RMP24: variants seen among roughly 807,000 people sequenced by gnomAD.
RMP24 encodes ribonuclease MRP subunit p24.
chr18:35,974,399 A>C, the RMP24 span, among the ~76,000 whole-genome samples: 26 of 152,348 alleles, frequency 1.7e-4, no homozygotes, highest in East Asian at 4.4e-3. Context: ...AATGAGTTTC[A>C]CATTTGGCAG....
the RMP24 span, chr18:35,972,753 G>A: frequency 1.2e-6 from 2 of 1,613,178 alleles, no homozygotes; most frequent in Non-Finnish European, 8.5e-7. Context: ...CTACCTTGAG[G>A]CTGCAGCGCG....
the RMP24 span, chr18:35,974,921 G>T: frequency 4.3e-6 from 7 of 1,613,978 alleles, no homozygotes; most frequent in Non-Finnish European, 5.1e-6. Context: ...TTGAAGAAAC[G>T]TGTCCATACT....
At chr18:35,972,737 G>A in the RMP24 span, 1 of 1,611,612 alleles carries the variant, frequency 6.2e-7, no homozygotes. Flanking sequence ...CGATGAGACA[G>A]AAGCACTACC....
the RMP24 span, chr18:35,973,648 CG>C: frequency 6.6e-6 from 1 of 152,270 alleles, no homozygotes. Flanking sequence ...CAGCCAGGAG[CG>C]GTGGCTCACC....
the RMP24 span, chr18:35,972,888 G>A: frequency 4.3e-6 from 7 of 1,614,076 alleles, no homozygotes; most frequent in Non-Finnish European, 5.9e-6. Context: ...TTTACAGCTG[G>A]GCCTACACTT....
At chr18:35,976,138 A>ATTTTTTTTTT in the RMP24 span, among the ~76,000 whole-genome samples, 3 of 72,766 alleles carry the variant, frequency 4.1e-5, no homozygotes, top group Non-Finnish European at 5.2e-5. Context: ...TGTTTTTCTG[A>ATTTTTTTTTT]TTTTTTTTTT....
the RMP24 span, chr18:35,973,939 G>T: frequency 6.5e-6 from 1 of 152,688 alleles, no homozygotes; most frequent in Non-Finnish European, 1.5e-5. Flanking sequence ...GCCATCACCA[G>T]CTCTCTCCTG....
chr18:35,972,952 C>G, the RMP24 span: 3 of 1,610,896 alleles, frequency 1.9e-6, no homozygotes, highest in Non-Finnish European at 2.5e-6. Context: ...CTTGTCGCCC[C>G]GCTTTCCTCT....
At chr18:35,978,396 G>A in the RMP24 span, among the ~76,000 whole-genome samples, 316 of 152,248 alleles carry the variant, frequency 2.1e-3, 2 homozygotes, top group Non-Finnish European at 3.8e-3. Context: ...TGAGGTGGGC[G>A]GCTCAGGAGT....
the RMP24 span, chr18:35,972,965 T>C: frequency 1.2e-6 from 2 of 1,606,086 alleles, no homozygotes; most frequent in Non-Finnish European, 1.7e-6. Context: ...TTTCCTCTGT[T>C]CCGCACAACG....
the RMP24 span, among the ~76,000 whole-genome samples, chr18:35,977,849 T>C: frequency 6.6e-6 from 1 of 152,174 alleles, no homozygotes; most frequent in South Asian, 2.1e-4. Context: ...ATATAACCAC[T>C]TCAGTCCCCT....
chr18:35,975,010 T>A, the RMP24 span: 1 of 1,614,144 alleles, frequency 6.2e-7, no homozygotes, highest in Non-Finnish European at 8.5e-7. Flanking sequence ...ATACAGAAAC[T>A]TCTTAATCGA....
the RMP24 span, among the ~76,000 whole-genome samples, chr18:35,975,331 C>G: frequency 1.3e-5 from 2 of 152,162 alleles, no homozygotes; most frequent in African/African-American, 4.8e-5. Flanking sequence ...GTTTTGAGAT[C>G]CCATTGTTGA....
the RMP24 span, among the ~76,000 whole-genome samples, chr18:35,975,269 C>CT: frequency 6.6e-6 from 1 of 152,216 alleles, no homozygotes; most frequent in South Asian, 2.1e-4. Flanking sequence ...ATAAGGACAG[C>CT]TTACTTTTAT....
chr18:35,975,919 A>C, the RMP24 span, among the ~76,000 whole-genome samples: 60 of 152,268 alleles, frequency 3.9e-4, no homozygotes, highest in East Asian at 0.011. Flanking sequence ...GAAAGAAGAG[A>C]TAGAATATTG....
chr18:35,979,172 T>C, the RMP24 span: 1 of 612,126 alleles, frequency 1.6e-6, no homozygotes, highest in Non-Finnish European at 2.7e-6. Context: ...GAAACCTGCC[T>C]ACCTCATAGG....
At chr18:35,976,749 T>C in the RMP24 span, among the ~76,000 whole-genome samples, 2 of 152,340 alleles carry the variant, frequency 1.3e-5, no homozygotes, top group East Asian at 3.9e-4. Context: ...CAAAAAAATA[T>C]TAAATGCTTA....
chr18:35,975,017 T>C, the RMP24 span: 2 of 1,614,090 alleles, frequency 1.2e-6, no homozygotes, highest in Non-Finnish European at 1.7e-6. Context: ...AACTTCTTAA[T>C]CGAGAAGCGA....
the RMP24 span, chr18:35,972,816 T>C: frequency 1.9e-5 from 30 of 1,614,066 alleles, no homozygotes; most frequent in Admixed American, 6.7e-5. Flanking sequence ...GTAAGAGGAC[T>C]GGAGGGGAAG....
Sources: gnomAD v4.1 joint callset for allele counts (sites outside exome capture counted in the v4.1 genomes callset) on GRCh38, gnomAD v4.1.1 for gene constraint, MANE v1.5 for transcripts, NCBI Gene and HGNC (gene_info 2026-07-23, HGNC 2026-07-21) for gene names.